The following SERPINA3 variants were observed in gnomAD, a reference collection of about 807,000 sequenced individuals.
SERPINA3 encodes serpin family A member 3.
Under a neutral mutation model 26.8 loss-of-function variants are expected in SERPINA3, and 32 were observed. The ratio of observed to expected loss-of-function variants is 1.20; its 90% CI spans 0.90 to 1.61. The LOEUF is 1.61. Among genes scored for constraint, SERPINA3 ranks in the 40% most tolerant of loss-of-function variants. The probability of loss-of-function intolerance (pLI) is 0.00; values close to 1 mark genes in which losing one functional copy is unlikely to be tolerated. For missense variants in SERPINA3, 632 were observed against 517.9 expected (o/e 1.22, Z -2.14); for synonymous variants, 252 against 206.4 (o/e 1.22, Z -1.89).
In SERPINA3 at chr14:94,614,874, G is replaced by A. The variant is rs1566846198; in HGVS notation, c.433G>A (p.Glu145Lys). The A allele has an allele frequency of 1.9e-6, 3 of 1,614,200 alleles. No homozygotes were observed. The highest frequency in any genetic ancestry group is 2.5e-6 in the Non-Finnish European group (3 of 1,180,040). ...TATGGGAAATGCCATGTTTGTCAAA[G>A]AGCAACTCAGTCTGCTGGACAGGTT... ...LSMGNAMFVK[E>K]QLSLLDRFTE... Residue 145 changes from glutamate to lysine, a missense_variant, in exon 2 of 5, where the codon GAG (glutamate) becomes AAG (lysine). Transcript: ENST00000393078.
chr14:94,618,721 C>T (rs1033948584), intron 2 of SERPINA3: 1 of 248,442 alleles, frequency 4.0e-6, no homozygotes, highest in Non-Finnish European at 7.9e-6. Flanking sequence ...AACTCACATA[C>T]AGAACCCAGT....
chr14:94,616,911 G>T (rs1262160713), intron 2 of SERPINA3, among the ~76,000 whole-genome samples: 1 of 152,110 alleles, frequency 6.6e-6, no homozygotes, highest in South Asian at 2.1e-4. Context: ...AGACAGAAAT[G>T]GGGGGAGATG....
intron 3 of SERPINA3, among the ~76,000 whole-genome samples, chr14:94,620,430 G>A (rs1245293328): frequency 2.0e-5 from 3 of 152,134 alleles, no homozygotes; most frequent in African/African-American, 4.8e-5. Flanking sequence ...GTTGAGAGAG[G>A]TCAGGAGTCC....
At chr14:94,613,558 AG>A (rs1281970585) in intron 1 of SERPINA3, 1 of 152,146 alleles carries the variant, frequency 6.6e-6, no homozygotes, top group Non-Finnish European at 1.5e-5. Context: ...GCCACTTAAC[AG>A]GTTGTGCAGA....
chr14:94,613,130 G>A (rs1885845862), intron 1 of SERPINA3, among the ~76,000 whole-genome samples: 2 of 152,140 alleles, frequency 1.3e-5, no homozygotes, highest in Admixed American at 1.3e-4. Flanking sequence ...TCTGTCCCTG[G>A]GCTTGGCCAA....
At position 94,618,952 on chromosome 14, in the gene SERPINA3, G is replaced by A. The variant is rs922574381; in HGVS notation, c.644-243G>A. 5.1e-6 allele frequency: 3 copies of A among 588,378 alleles called. No homozygotes were observed. In the African/African-American group the frequency reaches 5.6e-5, roughly 11 times the overall value. 36.4% of individuals were successfully genotyped at this position (588,378 alleles called of 1,614,324 possible). A position where few individuals can be genotyped will look rare whatever the true frequency, so the allele number is the denominator to read the frequency against. Reference sequence around the variant, plus strand: ...TCTCTCTTGCACTCCTTATTCCCTGGTTCCTATTGATTTCTCATTTAGCAC... The same window carrying A: ...TCTCTCTTGCACTCCTTATTCCCTGATTCCTATTGATTTCTCATTTAGCAC... On this transcript the variant is annotated intron_variant, in intron 2 of 4. Transcript: ENST00000393078.
chr14:94,619,484 C>T lies in SERPINA3; in HGVS notation c.917+16C>T. ...TGGAGTTCAGGTGATTCTTCCTGGC[C>T]CCCAAAGACCCCACATCTCTCCACG... On this transcript the variant is annotated intron_variant, in intron 3 of 4. Transcript: ENST00000393078. 1 of 1,613,676 alleles carries T rather than the reference C, an allele frequency of 6.2e-7. No homozygotes were observed. The highest frequency in any genetic ancestry group is 1.1e-5 in the South Asian group (1 of 91,038).
chr14:94,617,430 C>A (rs763951268), intron 2 of SERPINA3, among the ~76,000 whole-genome samples: 18 of 152,112 alleles, frequency 1.2e-4, no homozygotes, highest in African/African-American at 1.7e-4. Context: ...TAGGGCCACC[C>A]AGAAGCTGGC....
chr14:94,614,449 G>A lies in SERPINA3; in HGVS notation c.8G>A (p.Arg3Lys), dbSNP rs56871159. ...TGCTTTTCAGAGTTGAGAATGGAGA[G>A]AATGTTACCTCTCCTGGCTCTGGGG... Reference protein sequence around the residue: MERMLPLLALGLL... With the variant: MEKMLPLLALGLL... Residue 3 changes from arginine to lysine, a missense_variant, in exon 2 of 5, where the codon AGA (arginine) becomes AAA (lysine). Arg to Lys is a conservative substitution (Grantham distance 26). Coordinates refer to ENST00000393078, the MANE Select transcript of SERPINA3 (RefSeq NM_001085.5). 14,607 of 1,613,760 alleles carry A rather than the reference G, an allele frequency of 9.1e-3. 1,086 individuals are homozygous for A. The African/African-American group carries it at 0.17, about 19-fold the overall frequency.
chr14:94,619,780 A>G, intron 3 of SERPINA3: 1 of 446,090 alleles, frequency 2.2e-6, no homozygotes, highest in South Asian at 2.2e-5. Flanking sequence ...AGGGAGAGAG[A>G]AACAGAAGGA....
intron 2 of SERPINA3, among the ~76,000 whole-genome samples, chr14:94,616,538 T>A (rs1036329600): frequency 1.3e-5 from 2 of 152,062 alleles, no homozygotes; most frequent in Admixed American, 1.3e-4. Context: ...GAGTGCTTGT[T>A]CCCTCCCTTT....
chr14:94,622,900 G>A, intron 4 of SERPINA3: 1 of 316,342 alleles, frequency 3.2e-6, no homozygotes, highest in South Asian at 3.0e-5. Flanking sequence ...TCTGGCAATT[G>A]TAATGAAAAT....
chr14:94,612,628 A>G (rs1234577306), intron 1 of SERPINA3, among the ~76,000 whole-genome samples, 181 bp downstream of exon 1: 3 of 152,054 alleles, frequency 2.0e-5, no homozygotes, highest in Non-Finnish European at 2.9e-5. Flanking sequence ...CCTTTTTTAG[A>G]GGCATCCTCT....
intron 3 of SERPINA3, among the ~76,000 whole-genome samples, chr14:94,621,506 G>GT (rs988645710): frequency 6.6e-6 from 1 of 152,156 alleles, no homozygotes; most frequent in African/African-American, 2.4e-5. Context: ...CTGTATAATT[G>GT]TAAGACCAGG....
At chr14:94,622,096 C>T (rs781169654) in intron 3 of SERPINA3, among the ~76,000 whole-genome samples, 5 of 152,224 alleles carry the variant, frequency 3.3e-5, no homozygotes, top group African/African-American at 7.2e-5. Flanking sequence ...GGGCCAGGCT[C>T]GAGCAGGGCC....
Position 94,623,634 on chromosome 14 carries a change from T to C in SERPINA3, c.1092T>C (p.Asp364=), listed in dbSNP as rs767166251. 2 of 1,614,134 alleles carry C rather than the reference T, an allele frequency of 1.2e-6. No individual in the cohort carries two copies. The highest frequency in any genetic ancestry group is 2.2e-5 in the East Asian group (1 of 44,884). ...AGGTGGTCCATAAGGCTGTGCTTGA[T>C]GTATTTGAGGAGGGCACAGAAGCAT... is the stretch of plus-strand genomic sequence containing the variant. ...VSQVVHKAVL[D]VFEEGTEASA... is the part of the protein sequence containing the mutation. The change falls in exon 5 of 5, where the codon GAT becomes GAC. Residue 364 remains aspartate, a synonymous_variant. Coordinates refer to ENST00000393078, the MANE Select transcript of SERPINA3 (RefSeq NM_001085.5).
At chr14:94,615,148 A>T (rs2139954709) in intron 2 of SERPINA3, 64 bp downstream of exon 2, 1 of 1,576,894 alleles carries the variant, frequency 6.3e-7, no homozygotes, top group Non-Finnish European at 8.7e-7. Flanking sequence ...TCCTGACTCA[A>T]CAATGGTGTT....
At chr14:94,613,476 G>A (rs1305239097) in intron 1 of SERPINA3, 1 of 152,218 alleles carries the variant, frequency 6.6e-6, no homozygotes, top group African/African-American at 2.4e-5. Flanking sequence ...CAGGAAAGGG[G>A]TAGTATGGGA....
At chr14:94,615,110 G>A (rs551091555) in intron 2 of SERPINA3, 26 bp downstream of exon 2, 2 of 1,611,936 alleles carry the variant, frequency 1.2e-6, no homozygotes, top group South Asian at 1.1e-5. Flanking sequence ...TTGGGGTTCA[G>A]AAGAGGTGGA....
Sources: allele counts gnomAD v4.1 joint callset (sites outside exome capture counted in the v4.1 genomes callset), GRCh38; gene constraint gnomAD v4.1.1; transcripts MANE v1.5; gene names NCBI Gene and HGNC (gene_info 2026-07-23, HGNC 2026-07-21).